The following CAMKK1 variants were observed in gnomAD, a reference collection of about 807,000 sequenced individuals.
CAMKK1 encodes the protein calcium/calmodulin-dependent protein kinase kinase 1.
CAMKK1 carries 20 observed loss-of-function variants against 63.5 expected under a neutral mutation model. The ratio of observed to expected loss-of-function variants is 0.32; its 90% CI spans 0.22 to 0.46. The LOEUF is 0.46. Among genes scored for constraint, CAMKK1 ranks in the 20% least tolerant of loss-of-function variants. CAMKK1 has a pLI of 1.00. For missense variants in CAMKK1, 588 were observed against 658.1 expected (o/e 0.89, Z 1.17); for synonymous variants, 253 against 269.0 (o/e 0.94, Z 0.58).
chr17:3,864,693 C>A (rs1483061129), intron 15 of CAMKK1, among the ~76,000 whole-genome samples: 1 of 152,176 alleles, frequency 6.6e-6, no homozygotes, highest in Non-Finnish European at 1.5e-5. Context: ...AGAGAATCCT[C>A]CCCCAACCGC....
intron 9 of CAMKK1, among the ~76,000 whole-genome samples, chr17:3,877,539 T>C (rs1247736719): frequency 6.6e-6 from 1 of 151,930 alleles, no homozygotes; most frequent in Non-Finnish European, 1.5e-5. Context: ...AGTACCTTCA[T>C]CTGGACCAAC....
chr17:3,886,286 C>G (rs2055648880), intron 1 of CAMKK1, among the ~76,000 whole-genome samples: 1 of 152,210 alleles, frequency 6.6e-6, no homozygotes, highest in African/African-American at 2.4e-5. Flanking sequence ...TCCAGGAAGA[C>G]TTCCCTGGGG....
rs1303983127 is a variant in CAMKK1 at position 3,862,093 on chromosome 17, G to A, written c.*118C>T. ...TCATGCAGCACGATGGGGGAGGGGC[G>A]GGAGTGGGGCTGCAGTCCCCAGCCC... On this transcript the variant is annotated 3_prime_UTR_variant, in exon 16 of 16. Coordinates refer to ENST00000348335, the MANE Select transcript of CAMKK1 (RefSeq NM_032294.3). This position sits in a 1 kb window ranked among gnomAD's most constrained non-coding sequence, Gnocchi z 4.1. 9 of 735,788 alleles carry A rather than the reference G, an allele frequency of 1.2e-5. No individual in the cohort carries two copies. The highest frequency in any genetic ancestry group is 2.7e-5 in the East Asian group (1 of 37,080). 45.6% of individuals were successfully genotyped at this position (735,788 alleles called of 1,614,324 possible). A position where few individuals can be genotyped will look rare whatever the true frequency, so the allele number is the denominator to read the frequency against.
At position 3,889,851 on chromosome 17, in the gene CAMKK1, T is replaced by C. The variant is rs1204638322; in HGVS notation, c.-44+3088A>G. Among the ~76,000 whole-genome samples, 3 of 152,156 alleles carry C rather than the reference T, an allele frequency of 2.0e-5. No individual in the cohort carries two copies. Among genetic ancestry groups the C allele is most frequent in the South Asian group, 2.1e-4 (1 of 4,832 alleles). On this transcript the variant is annotated intron_variant, in intron 1 of 15. Transcript: ENST00000348335. This position sits in a 1 kb window ranked among gnomAD's most constrained non-coding sequence, Gnocchi z 5.2. ...ACAGGACATGCCCCATCCAGCTGCA[T>C]CCCTCAAAGGAGCCCCAGAGCAGGC...
rs1423948855 is a variant in CAMKK1, at chr17:3,876,440, T to C, written c.797-18A>G. On this transcript the variant is annotated intron_variant, in intron 9 of 15. Transcript: ENST00000348335. Reference sequence around the variant, plus strand: ...GCAGTGCACTGCAGAGAAGGGGAGCTTGAGCTGAGCGCTGGCCTGGGCACC... The same window carrying C: ...GCAGTGCACTGCAGAGAAGGGGAGCCTGAGCTGAGCGCTGGCCTGGGCACC... The C allele has an allele frequency of 9.3e-6, 15 of 1,611,200 alleles. No individual in the cohort carries two copies. The highest frequency in any genetic ancestry group is 5.5e-5 in the South Asian group (5 of 91,028).
At position 3,862,803 on chromosome 17, in the gene CAMKK1, T is replaced by C. The variant is rs2054374675; in HGVS notation, c.1446-520A>G. Among the ~76,000 whole-genome samples, 2 of 151,788 alleles carry C rather than the reference T, an allele frequency of 1.3e-5. No homozygotes were observed. Among genetic ancestry groups the C allele is most frequent in the Non-Finnish European group, 2.9e-5 (2 of 68,026 alleles). ...TGCCACCACGCCCAGCTAATTTTTG[T>C]ATTTTTTTATCTCTATAAAAACAGG... On this transcript the variant is annotated intron_variant, in intron 15 of 15. Transcript: ENST00000348335. This position sits in a 1 kb window ranked among gnomAD's most constrained non-coding sequence, Gnocchi z 4.1.
Position 3,889,376 on chromosome 17 carries a change from T to C in CAMKK1, c.-44+3563A>G, listed in dbSNP as rs900401175. 3.3e-5 allele frequency among the ~76,000 whole-genome samples: 5 copies of C among 152,290 alleles called. No homozygotes were observed. The highest frequency in any genetic ancestry group is 1.3e-4 in the Admixed American group (2 of 15,306). On this transcript the variant is annotated intron_variant, in intron 1 of 15. Transcript: ENST00000348335. The surrounding 1 kb of genome is among the most constrained non-coding windows in gnomAD (Gnocchi z 5.2). ...GAAGGATTCCTGTGGGCATGGGCACTGGCTTAGTCCTGCGGCCGTGAACAG... is the reference window on the plus strand; with the variant it reads ...GAAGGATTCCTGTGGGCATGGGCACCGGCTTAGTCCTGCGGCCGTGAACAG...
intron 14 of CAMKK1, among the ~76,000 whole-genome samples, chr17:3,866,615 G>C (rs60321064): frequency 0.018 from 2,751 of 152,366 alleles, 74 homozygotes; most frequent in African/African-American, 0.062. Flanking sequence ...CCTCGCTTGT[G>C]TCCATCCATC....
At position 3,884,508 on chromosome 17, in the gene CAMKK1, A is replaced by G. The variant is rs1397379071; in HGVS notation, c.361-81T>C. The G allele has an allele frequency of 1.3e-5, 18 of 1,361,446 alleles. No individual in the cohort carries two copies. The highest frequency in any genetic ancestry group is 2.4e-5 in the East Asian group (1 of 41,894). The allele number at this position is 1,361,446 out of a possible 1,614,324, so 84.3% of individuals were successfully genotyped here. ...TACCTCAGAGCCCGTTCAGGGTCCAATTCTGGCCATAAGCTCCTCATTCCC... is the reference window on the plus strand; with the variant it reads ...TACCTCAGAGCCCGTTCAGGGTCCAGTTCTGGCCATAAGCTCCTCATTCCC... On this transcript the variant is annotated intron_variant, in intron 2 of 15. Coordinates refer to ENST00000348335, the MANE Select transcript of CAMKK1 (RefSeq NM_032294.3). The surrounding 1 kb of genome is among the most constrained non-coding windows in gnomAD (Gnocchi z 4.5).
chr17:3,885,330 C>T lies in CAMKK1; in HGVS notation c.358G>A (p.Glu120Lys). The T allele has an allele frequency of 6.3e-7, 1 of 1,590,236 alleles. No individual in the cohort carries two copies. The highest frequency in any genetic ancestry group is 8.6e-7 in the Non-Finnish European group (1 of 1,165,686). The change falls in exon 2 of 16, where the codon GAG becomes AAG. Residue 120 changes from glutamate (E) to lysine (K), a missense_variant and splice_region_variant. This residue lies in a region of CAMKK1 where 357 missense variants were observed against 407.4 expected (regional missense o/e 0.88). Transcript: ENST00000348335. ...ESHHVAISDA[E>K]DCVQLNQYKL... Reference sequence around the variant, plus strand: ...ACCCCTCGTTCTGCCCCACCAACCTCTGCATCTGAGATGGCCACGTGGTGG... The same window carrying T: ...ACCCCTCGTTCTGCCCCACCAACCTTTGCATCTGAGATGGCCACGTGGTGG...
At chr17:3,875,542 CA>C (rs1019285355) in intron 10 of CAMKK1, among the ~76,000 whole-genome samples, 1 of 152,100 alleles carries the variant, frequency 6.6e-6, no homozygotes, top group African/African-American at 2.4e-5. Context: ...CTTGGCCTCC[CA>C]AAGCACTGGG....
chr17:3,865,788 C>T, intron 15 of CAMKK1, 120 bp downstream of exon 15: 1 of 1,509,800 alleles, frequency 6.6e-7, no homozygotes, highest in East Asian at 2.4e-5. Flanking sequence ...ACACCGAGAC[C>T]TGGCCAAGTC....
chr17:3,888,400 G>A (rs928032865), intron 1 of CAMKK1, among the ~76,000 whole-genome samples: 6 of 152,222 alleles, frequency 3.9e-5, no homozygotes, highest in East Asian at 1.9e-4. Flanking sequence ...CCTGTTACCC[G>A]GTTTGGCGCC....
chr17:3,884,121 C>T lies in CAMKK1; in HGVS notation c.409-184G>A, dbSNP rs2055539437. On this transcript the variant is annotated intron_variant, in intron 3 of 15. Transcript: ENST00000348335. This position sits in a 1 kb window ranked among gnomAD's most constrained non-coding sequence, Gnocchi z 4.5. The stretch of plus-strand genomic sequence containing the variant: ...GGACTCCTGCGCCCTGGTAACTGCC[C>T]CTGCTTGGCTCCACATGGCTCCATG... Among the ~76,000 whole-genome samples, 1 of 152,092 alleles carries T rather than the reference C, an allele frequency of 6.6e-6. No individual in the cohort carries two copies.
chr17:3,880,317 C>A (rs772352954), intron 9 of CAMKK1, 29 bp downstream of exon 9: 4 of 1,598,816 alleles, frequency 2.5e-6, no homozygotes, highest in Non-Finnish European at 3.4e-6. Flanking sequence ...CTAGCCCCAG[C>A]CCCAGTGGGC....
Position 3,889,308 on chromosome 17 carries a change from G to C in CAMKK1, c.-43-3578C>G, listed in dbSNP as rs1291752847. ...ATAACTAGGGCCATGTGGGCAAACA[G>C]AAAGATGGACAGACAGGCCGGGAAC... On this transcript the variant is annotated intron_variant, in intron 1 of 15. Transcript: ENST00000348335. This position sits in a 1 kb window ranked among gnomAD's most constrained non-coding sequence, Gnocchi z 5.2. Among the ~76,000 whole-genome samples the C allele has an allele frequency of 6.6e-6, 1 of 152,170 alleles. No homozygotes were observed. The highest frequency in any genetic ancestry group is 1.5e-5 in the Non-Finnish European group (1 of 68,016).
chr17:3,885,403 A>G lies in CAMKK1; in HGVS notation c.285T>C (p.Pro95=). Residue 95 remains proline, a synonymous_variant, in exon 2 of 16, where the codon CCT becomes CCC. Transcript: ENST00000348335. ...AGGCCCGGGGGGAGATGTGGCTGGC[A>G]GGCCCCGTGGCATAAGGCCCAGCCT... ...EAQAGPYATG[P]ASHISPRAWR... is the part of the protein sequence containing the mutation. 1 of 1,611,594 alleles carries G rather than the reference A, an allele frequency of 6.2e-7. No individual in the cohort carries two copies. The highest frequency in any genetic ancestry group is 8.5e-7 in the Non-Finnish European group (1 of 1,179,390).
At chr17:3,864,948 C>T (rs1248481727) in intron 15 of CAMKK1, among the ~76,000 whole-genome samples, 5 of 152,304 alleles carry the variant, frequency 3.3e-5, no homozygotes, top group Non-Finnish European at 2.9e-5. Context: ...CCAAGGCACC[C>T]GGACAGCGCC....
Position 3,882,370 on chromosome 17 carries a change from G to C in CAMKK1, c.685+158C>G, listed in dbSNP as rs527721577. On this transcript the variant is annotated intron_variant, in intron 7 of 15. Transcript: ENST00000348335. The surrounding 1 kb of genome is among the most constrained non-coding windows in gnomAD (Gnocchi z 4.3). Reference sequence around the variant, plus strand: ...GATATTCTGGGCCTGGTTCTGCAGGGCTGGGCAAGGGAATCCAGGGCTTCA... The same window carrying C: ...GATATTCTGGGCCTGGTTCTGCAGGCCTGGGCAAGGGAATCCAGGGCTTCA... The C allele has an allele frequency of 2.5e-5, 41 of 1,611,352 alleles. No individual in the cohort carries two copies. The highest frequency in any genetic ancestry group is 3.4e-5 in the Non-Finnish European group (40 of 1,177,684).
Sources: allele counts gnomAD v4.1 joint callset (sites outside exome capture counted in the v4.1 genomes callset), GRCh38; gene constraint gnomAD v4.1.1; regional missense constraint gnomAD v4.1.1; non-coding constraint Gnocchi (gnomAD v3.1); transcripts MANE v1.5; gene names NCBI Gene and HGNC (gene_info 2026-07-23, HGNC 2026-07-21).